The following ARHGEF7 variants were observed in gnomAD, a reference collection of about 807,000 sequenced individuals.
The protein encoded by ARHGEF7 is Rho guanine nucleotide exchange factor 7, also known as PAK-interacting exchange factor beta.
ARHGEF7 carries 33 observed loss-of-function variants against 109.8 expected under a neutral mutation model. That is an observed-to-expected ratio of 0.30 (90% CI 0.23 to 0.40). The LOEUF (loss-of-function observed/expected upper bound fraction) is 0.40. ARHGEF7 is among the 10% of genes least tolerant of loss of function. The pLI is 1.00. For synonymous variants in ARHGEF7, 458 were observed against 424.6 expected (o/e 1.08, Z -0.97); for missense variants, 938 against 1,098.5 (o/e 0.85, Z 2.07).
At chr13:111,127,049 A>T (rs1198752219) in intron 1 of ARHGEF7, among the ~76,000 whole-genome samples, 1 of 152,178 alleles carries the variant, frequency 6.6e-6, no homozygotes, top group Non-Finnish European at 1.5e-5. Flanking sequence ...ATTAGGAAAA[A>T]CGGGGAAAAG....
intron 4 of ARHGEF7, among the ~76,000 whole-genome samples, chr13:111,214,219 C>T (rs2082845359): frequency 6.6e-6 from 1 of 152,104 alleles, no homozygotes; most frequent in South Asian, 2.1e-4. Context: ...CATGCATTTG[C>T]ACACTCAAGA....
At chr13:111,164,642 A>C (rs1048468747) in intron 2 of ARHGEF7, among the ~76,000 whole-genome samples, 2 of 152,218 alleles carry the variant, frequency 1.3e-5, no homozygotes, top group Admixed American at 1.3e-4. Context: ...TGTGATCAAT[A>C]ACAGGATTAA....
At chr13:111,115,059 T>TA (rs1007270787), upstream of ARHGEF7, 1 of 148,724 alleles carries the variant, frequency 6.7e-6, no homozygotes, top group African/African-American at 2.5e-5. Context: ...CCGGGGCAGG[T>TA]AAGCGCAGGT....
intron 2 of ARHGEF7, among the ~76,000 whole-genome samples, chr13:111,194,537 GC>G (rs2080274647): frequency 6.6e-6 from 1 of 152,156 alleles, no homozygotes; most frequent in Non-Finnish European, 1.5e-5. Context: ...CTAAGATTAG[GC>G]CTAGATATTT....
At chr13:111,281,664 G>A (rs569965729) in intron 15 of ARHGEF7, among the ~76,000 whole-genome samples, 3 of 152,220 alleles carry the variant, frequency 2.0e-5, no homozygotes, top group Non-Finnish European at 2.9e-5. Flanking sequence ...GTGTGTACAC[G>A]TGTGTTTATA....
chr13:111,260,307 T>G (rs916390426), intron 8 of ARHGEF7, among the ~76,000 whole-genome samples: 18 of 152,236 alleles, frequency 1.2e-4, no homozygotes, highest in African/African-American at 4.3e-4. Flanking sequence ...AAGACTACCT[T>G]ATGGGATTTA....
At chr13:111,293,435 TTA>T in intron 19 of ARHGEF7, 1 of 870,104 alleles carries the variant, frequency 1.1e-6, no homozygotes, top group Non-Finnish European at 1.3e-6. Flanking sequence ...GCTCACTTAT[TTA>T]AAAAAAAAAA....
At chr13:111,165,132 C>T (rs2077024783) in intron 2 of ARHGEF7, among the ~76,000 whole-genome samples, 1 of 152,188 alleles carries the variant, frequency 6.6e-6, no homozygotes. Flanking sequence ...TTTCTACTCA[C>T]ATTACGTCTA....
chr13:111,267,438 A>G (rs2091752944), intron 8 of ARHGEF7, 110 bp from the exon 9 acceptor site: 6 of 1,411,760 alleles, frequency 4.3e-6, no homozygotes, highest in Admixed American at 1.8e-5. Flanking sequence ...GTTTTCACAG[A>G]TGGGTGCAGA....
At chr13:111,256,443 G>A (rs943474704) in intron 8 of ARHGEF7, among the ~76,000 whole-genome samples, 3 of 152,206 alleles carry the variant, frequency 2.0e-5, no homozygotes, top group African/African-American at 7.2e-5. Context: ...AGTTGATGCA[G>A]TATGGGCTCC....
rs762614999 is a variant in ARHGEF7, at chr13:111,131,892, G to A, written c.165+16201G>A. Among the ~76,000 whole-genome samples, 1 of 152,238 alleles carries A rather than the reference G, an allele frequency of 6.6e-6. No individual in the cohort carries two copies. Among genetic ancestry groups the A allele is most frequent in the Non-Finnish European group, 1.5e-5 (1 of 68,044 alleles). On this transcript the variant is annotated intron_variant, in intron 1 of 21. Coordinates refer to ENST00000646102, the MANE Select transcript of ARHGEF7 (RefSeq NM_001354046.2). This position sits in a 1 kb window ranked among gnomAD's most constrained non-coding sequence, Gnocchi z 4.4. Reference sequence around the variant, plus strand: ...TGAAGAGGGGGCTGGGAGGGAGCCTGGCAGTCGCAGAGGGGAGTGGAAATG... The same window carrying A: ...TGAAGAGGGGGCTGGGAGGGAGCCTAGCAGTCGCAGAGGGGAGTGGAAATG...
intron 8 of ARHGEF7, among the ~76,000 whole-genome samples, chr13:111,263,448 A>T (rs555459097): frequency 6.6e-6 from 1 of 152,366 alleles, no homozygotes; most frequent in Admixed American, 6.5e-5. Context: ...AAATCAGTTT[A>T]TCCAGATTTC....
intron 19 of ARHGEF7, among the ~76,000 whole-genome samples, chr13:111,298,840 G>C (rs905202366): frequency 1.3e-5 from 2 of 152,176 alleles, no homozygotes; most frequent in Non-Finnish European, 2.9e-5. Flanking sequence ...AGGGAGGGTC[G>C]CCTTTGAAGG....
chr13:111,213,763 A>T (rs2082780415), intron 4 of ARHGEF7, among the ~76,000 whole-genome samples: 1 of 152,210 alleles, frequency 6.6e-6, no homozygotes, highest in Non-Finnish European at 1.5e-5. Flanking sequence ...AATAGTGATG[A>T]AATCCATCTC....
At chr13:111,191,191 G>T (rs1051095474) in intron 2 of ARHGEF7, among the ~76,000 whole-genome samples, 2 of 152,136 alleles carry the variant, frequency 1.3e-5, no homozygotes, top group African/African-American at 2.4e-5. Context: ...CAAGCCGTCC[G>T]CATGGAGCTG....
chr13:111,184,165 G>A (rs1285830965), intron 2 of ARHGEF7, among the ~76,000 whole-genome samples: 1 of 152,168 alleles, frequency 6.6e-6, no homozygotes, highest in Non-Finnish European at 1.5e-5. Flanking sequence ...GGCTTCCCCT[G>A]CTTTGCCTGG....
intron 1 of ARHGEF7, among the ~76,000 whole-genome samples, chr13:111,153,152 A>C (rs1369117121): frequency 6.6e-6 from 1 of 152,266 alleles, no homozygotes; most frequent in Non-Finnish European, 1.5e-5. Context: ...TTGCATTAGA[A>C]TAGTAACTGC....
At chr13:111,184,536 C>T (rs1024736323) in intron 2 of ARHGEF7, among the ~76,000 whole-genome samples, 3 of 152,102 alleles carry the variant, frequency 2.0e-5, no homozygotes, top group African/African-American at 7.2e-5. Flanking sequence ...GGTTCCCAGC[C>T]CTGAAACCCT....
intron 17 of ARHGEF7, 71 bp downstream of exon 17, chr13:111,286,311 A>G (rs1421464214): frequency 1.3e-5 from 17 of 1,288,498 alleles, no homozygotes; most frequent in African/African-American, 2.9e-5. Flanking sequence ...TTCCTGGGAT[A>G]GAGGGAGGCT....
Sources: gnomAD v4.1 joint callset for allele counts (sites outside exome capture counted in the v4.1 genomes callset) on GRCh38, gnomAD v4.1.1 for gene constraint, Gnocchi (gnomAD v3.1) non-coding constraint, MANE v1.5 for transcripts, NCBI Gene and HGNC (gene_info 2026-07-23, HGNC 2026-07-21) for gene names.